The following NDUFS7 variants were observed in gnomAD, a reference collection of about 807,000 sequenced individuals.
NDUFS7 encodes the protein NADH:ubiquinone oxidoreductase core subunit S7, also known as NADH dehydrogenase [ubiquinone] iron-sulfur protein 7, mitochondrial.
A neutral mutation model predicts 31.1 loss-of-function variants in NDUFS7; 11 were observed. That is an observed-to-expected ratio of 0.35 (90% CI 0.22 to 0.59). The LOEUF is 0.59. Among genes scored for constraint, NDUFS7 ranks in the 20% least tolerant of loss-of-function variants. The probability of loss-of-function intolerance (pLI) is 0.79; values close to 1 mark genes in which losing one functional copy is unlikely to be tolerated. For missense variants in NDUFS7, 263 were observed against 324.2 expected, an observed-to-expected ratio of 0.81 and a Z score of 1.45; for synonymous variants, 136 against 127.9, an observed-to-expected ratio of 1.06 and a Z score of -0.43.
In NDUFS7 at chr19:1,388,925, A is replaced by G. The variant is rs754125936; in HGVS notation, c.215A>G (p.Asn72Ser). The change falls in exon 4 of 8, where the codon AAC (asparagine) becomes AGC (serine). Residue 72 changes from asparagine (N) to serine (S), a missense_variant. Transcript: ENST00000233627. ...YVVAKLDDLV[N>S]WARRSSLWPM... Reference sequence around the variant, plus strand: ...GTGGCCAAGCTGGATGACCTCGTCAACTGGGCCCGCCGGGTGAGTACTATG... The same window carrying G: ...GTGGCCAAGCTGGATGACCTCGTCAGCTGGGCCCGCCGGGTGAGTACTATG... 2.1e-5 allele frequency: 33 copies of G among 1,607,462 alleles called. No homozygotes were observed. In the South Asian group the frequency reaches 3.2e-4, roughly 16 times the overall value.
chr19:1,388,487 C>T, intron 2 of NDUFS7, 38 bp from the exon 3 acceptor site: 1 of 1,596,624 alleles, frequency 6.3e-7, no homozygotes, highest in African/African-American at 1.3e-5. Context: ...CTGGAGGGGC[C>T]TGGGACAGCC....
At chr19:1,386,998 G>GGCCCTGCTCTGGCCA (rs1193242079) in intron 1 of NDUFS7, 1 of 152,342 alleles carries the variant, frequency 6.6e-6, no homozygotes, top group African/African-American at 2.4e-5. Flanking sequence ...GGCGTGGCAA[G>GGCCCTGCTCTGGCCA]GCCCTGCTCT....
In NDUFS7 at chr19:1,393,979, C is replaced by T. The variant is rs527303199; in HGVS notation, c.544+649C>T. 3.7e-5 allele frequency: 9 copies of T among 245,138 alleles called. No individual in the cohort carries two copies. Among genetic ancestry groups the T allele is most frequent in the South Asian group, 2.0e-4 (4 of 20,026 alleles). 15.2% of individuals were successfully genotyped at this position (245,138 alleles called of 1,614,324 possible). ...CGTGGTCCCACGAGGGCCATCCCCC[C>T]GGGCGTTCACCTTGACAGTGGTCCA... On this transcript the variant is annotated intron_variant, in intron 7 of 7. Transcript: ENST00000233627. This position sits in a 1 kb window ranked among gnomAD's most constrained non-coding sequence, Gnocchi z 7.3.
chr19:1,386,461 G>A (rs1000828588), intron 1 of NDUFS7: 8 of 152,074 alleles, frequency 5.3e-5, no homozygotes, highest in African/African-American at 1.9e-4. Context: ...ATCGGATGAG[G>A]GCCCACCCTC....
chr19:1,391,088 G>A (rs1332030639), intron 5 of NDUFS7, 31 bp from the exon 6 acceptor site: 2 of 1,611,840 alleles, frequency 1.2e-6, no homozygotes, highest in East Asian at 2.2e-5. Context: ...CCCCCAGAGT[G>A]AGCTGCGCAC....
chr19:1,386,179 C>T (rs1485826324), intron 1 of NDUFS7, among the ~76,000 whole-genome samples: 1 of 152,206 alleles, frequency 6.6e-6, no homozygotes, highest in Non-Finnish European at 1.5e-5. Context: ...TCAGGGGCAT[C>T]AAACCCTGGC....
chr19:1,387,814 C>T lies in NDUFS7; in HGVS notation c.20C>T (p.Pro7Leu). ...CACCCCGTGGTCCTCTCTGCAGCTCCTGGCCTGCGCGGCTTCCGGATCCTT... is the reference window on the plus strand; with the variant it reads ...CACCCCGTGGTCCTCTCTGCAGCTCTTGGCCTGCGCGGCTTCCGGATCCTT... MAVLSAPGLRGFRILGL... is the reference protein window; with the variant it reads MAVLSALGLRGFRILGL... Residue 7 changes from proline (P) to leucine (L), a missense_variant, in exon 2 of 8, where the codon CCT becomes CTT. Pro to Leu is a moderately conservative substitution (Grantham distance 98). Transcript: ENST00000233627. 2 of 1,611,406 alleles carry T rather than the reference C, an allele frequency of 1.2e-6. No individual in the cohort carries two copies. Among genetic ancestry groups the T allele is most frequent in the Non-Finnish European group, 1.7e-6 (2 of 1,179,678 alleles).
rs2082572312 is a variant in NDUFS7, at chr19:1,393,519, CAGGCATCAG to C, written c.544+193_544+201del. On this transcript the variant is annotated intron_variant, in intron 7 of 7. Coordinates refer to ENST00000233627, the MANE Select transcript of NDUFS7 (RefSeq NM_024407.5). This position sits in a 1 kb window ranked among gnomAD's most constrained non-coding sequence, Gnocchi z 7.3. ...CCCTGTGAGAAGTCGGCGATGTATT[CAGGCATCAG>C]AGGGATCAGAGGGAGCAGGGGAAGC... 1 of 689,674 alleles carries C rather than the reference CAGGCATCAG, an allele frequency of 1.4e-6. No homozygotes were observed. Among genetic ancestry groups the C allele is most frequent in the Non-Finnish European group, 2.6e-6 (1 of 377,526 alleles). The allele number at this position is 689,674 out of a possible 1,614,324, so 42.7% of individuals were successfully genotyped here.
At chr19:1,391,418 A>G (rs771395491) in intron 6 of NDUFS7, among the ~76,000 whole-genome samples, 20 of 151,392 alleles carry the variant, frequency 1.3e-4, no homozygotes, top group African/African-American at 2.2e-4. Flanking sequence ...TTACTCACAC[A>G]TAAGTGATGA....
At chr19:1,394,950 T>A in intron 7 of NDUFS7, 1 of 1,118,324 alleles carries the variant, frequency 8.9e-7, no homozygotes, top group Admixed American at 4.7e-5. Context: ...CATCGGGTCC[T>A]CGTGGGATGC....
At chr19:1,385,513 C>G (rs184879762) in intron 1 of NDUFS7, among the ~76,000 whole-genome samples, 1 of 149,874 alleles carries the variant, frequency 6.7e-6, no homozygotes, top group African/African-American at 2.4e-5. Context: ...AACTCCGTCT[C>G]AAAAACAAAA....
rs1310007378 is a variant in NDUFS7, at chr19:1,389,066, C to T, written c.228+128C>T. The T allele has an allele frequency of 7.5e-6, 6 of 803,074 alleles. No homozygotes were observed. In the Admixed American group the frequency reaches 1.0e-4, roughly 13 times the overall value. The allele number at this position is 803,074 out of a possible 1,614,324, so 49.7% of individuals were successfully genotyped here. A position where few individuals can be genotyped will look rare whatever the true frequency, so the allele number is the denominator to read the frequency against. On this transcript the variant is annotated intron_variant, in intron 4 of 7. Coordinates refer to ENST00000233627, the MANE Select transcript of NDUFS7 (RefSeq NM_024407.5). ...ACACATGCATGCACACTCACATGCG[C>T]ACATGTGCATGCAAGCTCACATGTA...
intron 7 of NDUFS7, chr19:1,395,168 G>C: frequency 7.1e-7 from 1 of 1,416,672 alleles, no homozygotes; most frequent in Admixed American, 2.9e-5. Context: ...TGAGCCACGG[G>C]TGGAGGGCAG....
At chr19:1,394,078 G>A (rs973092102) in intron 7 of NDUFS7, 2 of 311,788 alleles carry the variant, frequency 6.4e-6, no homozygotes, top group South Asian at 2.7e-5. Context: ...CCTGTGCTGC[G>A]TGCGGCATTA....
At chr19:1,388,047 C>A in intron 2 of NDUFS7, 200 bp downstream of exon 2, 1 of 660,610 alleles carries the variant, frequency 1.5e-6, no homozygotes, top group Admixed American at 2.2e-5. Context: ...GTGGCAAAGG[C>A]TGGACAGTCA....
chr19:1,389,335 A>C, intron 4 of NDUFS7: 12 of 483,378 alleles, frequency 2.5e-5, no homozygotes, highest in East Asian at 5.9e-5. Context: ...ACTCACACAC[A>C]TGCACACACG....
At chr19:1,389,013 C>A in intron 4 of NDUFS7, 75 bp downstream of exon 4, 2 of 1,215,862 alleles carry the variant, frequency 1.6e-6, no homozygotes, top group Non-Finnish European at 2.4e-6. Context: ...CACATACACA[C>A]ACCAACGTGC....
Position 1,393,063 on chromosome 19 carries a change from G to A in NDUFS7, c.456-179G>A. 9.6e-6 allele frequency: 6 copies of A among 627,172 alleles called. No individual in the cohort carries two copies. The South Asian group carries it at 1.1e-4, about 11-fold the overall frequency. The allele number at this position is 627,172 out of a possible 1,614,324, so 38.9% of individuals were successfully genotyped here. On this transcript the variant is annotated intron_variant, in intron 6 of 7. Coordinates refer to ENST00000233627, the MANE Select transcript of NDUFS7 (RefSeq NM_024407.5). The surrounding 1 kb of genome is among the most constrained non-coding windows in gnomAD (Gnocchi z 7.3). The stretch of plus-strand genomic sequence containing the variant: ...GCCACGTGTGAGCTTGCGCCCCACT[G>A]GTCCCACAGAGGCTCTGGGAGCCTG...
At position 1,394,661 on chromosome 19, in the gene NDUFS7, CCTCCCTCCCTGCGGACTGTGCTG is replaced by C. The variant is rs200980086; in HGVS notation, c.545-707_545-685del. On this transcript the variant is annotated intron_variant, in intron 7 of 7. Coordinates refer to ENST00000233627, the MANE Select transcript of NDUFS7 (RefSeq NM_024407.5). ...TCCCTCCCTGGGGACCTCGCTCCTCCCTCCCTCCCTGCGGACTGTGCTGCTCCCTCCCTGCGGACTGTGCTTCT... is the reference window on the plus strand; with the variant it reads ...TCCCTCCCTGGGGACCTCGCTCCTCCCTCCCTCCCTGCGGACTGTGCTTCT... 8,456 of 1,239,068 alleles carry C rather than the reference CCTCCCTCCCTGCGGACTGTGCTG, an allele frequency of 6.8e-3. 149 individuals are homozygous for C. Among genetic ancestry groups the C allele is most frequent in the African/African-American group, 0.06 (3,785 of 62,960 alleles). 76.8% of individuals were successfully genotyped at this position (1,239,068 alleles called of 1,614,324 possible).
Sources: allele counts gnomAD v4.1 joint callset (sites outside exome capture counted in the v4.1 genomes callset), GRCh38; gene constraint gnomAD v4.1.1; non-coding constraint Gnocchi (gnomAD v3.1); transcripts MANE v1.5; gene names NCBI Gene and HGNC (gene_info 2026-07-23, HGNC 2026-07-21).